Variants in PDZRN3 observed in about 807,000 individuals in gnomAD.
PDZRN3 encodes E3 ubiquitin-protein ligase PDZRN3.
Under a neutral mutation model 85.7 loss-of-function variants are expected in PDZRN3, and 38 were observed. That is an observed-to-expected ratio of 0.44 (90% CI 0.34 to 0.58). PDZRN3 has a LOEUF of 0.58. Ranked by LOEUF, PDZRN3 falls within the 20% of genes least tolerant of loss-of-function variation. The probability of loss-of-function intolerance (pLI) is 0.01; values close to 1 mark genes in which losing one functional copy is unlikely to be tolerated. For missense variants in PDZRN3, 1,629 were observed against 1,506.4 expected, an observed-to-expected ratio of 1.08 and a Z score of -1.35; for synonymous variants, 759 against 638.0, an observed-to-expected ratio of 1.19 and a Z score of -2.86.
chr3:73,504,081 AAATT>A (rs777872136), intron 3 of PDZRN3, among the ~76,000 whole-genome samples: 3 of 152,210 alleles, frequency 2.0e-5, no homozygotes, highest in Non-Finnish European at 2.9e-5. Context: ...TTATAAACAG[AAATT>A]AATATTACAC....
At chr3:73,593,147 T>C (rs1702385290) in intron 3 of PDZRN3, among the ~76,000 whole-genome samples, 1 of 151,562 alleles carries the variant, frequency 6.6e-6, no homozygotes, top group African/African-American at 2.4e-5. Flanking sequence ...TATTTAAAGA[T>C]AAGTGTCTAG....
chr3:73,620,797 C>T (rs1250090933), intron 1 of PDZRN3, among the ~76,000 whole-genome samples: 5 of 152,126 alleles, frequency 3.3e-5, no homozygotes, highest in East Asian at 3.9e-4. Context: ...AGGATGGTCT[C>T]GATCTCCTGA....
intron 3 of PDZRN3, among the ~76,000 whole-genome samples, chr3:73,460,642 A>G (rs932084469): frequency 2.0e-5 from 3 of 152,196 alleles, no homozygotes; most frequent in Non-Finnish European, 4.4e-5. Flanking sequence ...TATAGCATTG[A>G]ATATAGCATG....
At chr3:73,418,494 T>C in intron 3 of PDZRN3, among the ~76,000 whole-genome samples, 1 of 152,198 alleles carries the variant, frequency 6.6e-6, no homozygotes, top group East Asian at 1.9e-4. Flanking sequence ...TTAGATAATG[T>C]TGATTTTTAA....
At chr3:73,402,165 T>G (rs1380665971) in intron 4 of PDZRN3, among the ~76,000 whole-genome samples, 2 of 152,178 alleles carry the variant, frequency 1.3e-5, no homozygotes, top group African/African-American at 4.8e-5. Flanking sequence ...TTCTGACATT[T>G]CTCAAGTCGC....
At chr3:73,501,416 C>T (rs1297480129) in intron 3 of PDZRN3, among the ~76,000 whole-genome samples, 7 of 152,170 alleles carry the variant, frequency 4.6e-5, no homozygotes, top group African/African-American at 1.7e-4. Flanking sequence ...CAACAGGGCA[C>T]ATCCATCCCA....
At chr3:73,429,761 C>T (rs1311373508) in intron 3 of PDZRN3, among the ~76,000 whole-genome samples, 4 of 152,220 alleles carry the variant, frequency 2.6e-5, no homozygotes, top group Non-Finnish European at 5.9e-5. Context: ...CCTGTTATTA[C>T]TGAGAGGCAA....
intron 3 of PDZRN3, among the ~76,000 whole-genome samples, chr3:73,592,536 C>T (rs1254594059): frequency 1.3e-5 from 2 of 152,134 alleles, no homozygotes; most frequent in South Asian, 2.1e-4. Flanking sequence ...GGGAGTGCCA[C>T]TCTCAGGAGA....
chr3:73,429,820 G>A (rs961124606), intron 3 of PDZRN3, among the ~76,000 whole-genome samples: 3 of 152,288 alleles, frequency 2.0e-5, no homozygotes, highest in Admixed American at 2.0e-4. Flanking sequence ...TGCCTGATAA[G>A]CCAGTGGGAA....
chr3:73,561,183 C>T (rs1176933312), intron 3 of PDZRN3, among the ~76,000 whole-genome samples: 1 of 152,190 alleles, frequency 6.6e-6, no homozygotes, highest in Non-Finnish European at 1.5e-5. Flanking sequence ...GATTTAAAAT[C>T]CTAGAGCTGC....
intron 3 of PDZRN3, among the ~76,000 whole-genome samples, chr3:73,572,382 A>G (rs527715619): frequency 6.6e-6 from 1 of 152,196 alleles, no homozygotes; most frequent in African/African-American, 2.4e-5. Flanking sequence ...GTTCTATTCC[A>G]GTATACTCTA....
At chr3:73,441,258 C>A (rs1251637391) in intron 3 of PDZRN3, among the ~76,000 whole-genome samples, 1 of 151,596 alleles carries the variant, frequency 6.6e-6, no homozygotes, top group Non-Finnish European at 1.5e-5. Flanking sequence ...ACTAAAAATA[C>A]AAAAATTAGT....
At chr3:73,434,038 G>T in intron 3 of PDZRN3, 2 of 841,096 alleles carry the variant, frequency 2.4e-6, no homozygotes, top group Non-Finnish European at 3.0e-6. Flanking sequence ...TGCTGCTCAT[G>T]CATATTAATC....
intron 3 of PDZRN3, among the ~76,000 whole-genome samples, chr3:73,590,152 C>T (rs1702334930): frequency 9.0e-6 from 1 of 110,862 alleles, no homozygotes; most frequent in South Asian, 3.2e-4. Flanking sequence ...ACCTGTAATC[C>T]CAGCTACTTG....
rs113568549 is a variant in PDZRN3 at position 73,390,626 on chromosome 3, GA to G, written c.1353+391del. On this transcript the variant is annotated intron_variant, in intron 6 of 9. Transcript: ENST00000263666. ...GTCAACTATATATACTCCACCAAGA[GA>G]AAAAAAAATGTGTGTGTGTGTGTGT... 3.4e-3 allele frequency among the ~76,000 whole-genome samples: 374 copies of G among 110,190 alleles called. 2 individuals are homozygous for G. The highest frequency in any genetic ancestry group is 0.012 in the African/African-American group (363 of 29,866). The allele number at this position is 110,190 out of a possible 152,430, so 72.3% of individuals were successfully genotyped here. A position where few individuals can be genotyped will look rare whatever the true frequency, so the allele number is the denominator to read the frequency against.
At chr3:73,450,487 A>G (rs1424759503) in intron 3 of PDZRN3, among the ~76,000 whole-genome samples, 1 of 152,232 alleles carries the variant, frequency 6.6e-6, no homozygotes, top group African/African-American at 2.4e-5. Flanking sequence ...CTATCACGTA[A>G]TCAGGCACAT....
At chr3:73,385,902 A>G in intron 8 of PDZRN3, 117 bp from the exon 9 acceptor site, 1 of 658,928 alleles carries the variant, frequency 1.5e-6, no homozygotes, top group South Asian at 1.8e-5. Context: ...TCCAAGAGTC[A>G]TCAAAATGCA....
intron 3 of PDZRN3, among the ~76,000 whole-genome samples, chr3:73,545,881 G>A (rs943518505): frequency 6.6e-6 from 1 of 152,120 alleles, no homozygotes; most frequent in East Asian, 1.9e-4. Flanking sequence ...GGGGAGGAGG[G>A]GTTGGTGGGA....
At chr3:73,485,720 A>G (rs1703649548) in intron 3 of PDZRN3, among the ~76,000 whole-genome samples, 1 of 152,236 alleles carries the variant, frequency 6.6e-6, no homozygotes, top group Non-Finnish European at 1.5e-5. Flanking sequence ...CCAAGCACCC[A>G]AAGAAATGCA....
Sources: allele counts gnomAD v4.1 joint callset (sites outside exome capture counted in the v4.1 genomes callset), GRCh38; gene constraint gnomAD v4.1.1; transcripts MANE v1.5; gene names NCBI Gene and HGNC (gene_info 2026-07-23, HGNC 2026-07-21).